Variants in CACNA2D3 observed in about 807,000 individuals in gnomAD.
CACNA2D3 encodes calcium voltage-gated channel auxiliary subunit alpha2delta 3.
Under a neutral mutation model 160.6 loss-of-function variants are expected in CACNA2D3, and 60 were observed. The ratio of observed to expected loss-of-function variants is 0.37; its 90% CI spans 0.30 to 0.46. The LOEUF is 0.46. Among genes scored for constraint, CACNA2D3 ranks in the 20% least tolerant of loss-of-function variants. The probability of loss-of-function intolerance (pLI) is 1.00; values close to 1 mark genes in which losing one functional copy is unlikely to be tolerated. For missense variants in CACNA2D3, 1,205 were observed against 1,365.0 expected, an observed-to-expected ratio of 0.88 and a Z score of 1.85; for synonymous variants, 558 against 492.9, an observed-to-expected ratio of 1.13 and a Z score of -1.75.
At chr3:54,373,947 T>C (rs1453113125) in intron 3 of CACNA2D3, among the ~76,000 whole-genome samples, 1 of 152,236 alleles carries the variant, frequency 6.6e-6, no homozygotes, top group East Asian at 1.9e-4. Context: ...CACAGCTCTC[T>C]GCACTTTGGC....
intron 11 of CACNA2D3, among the ~76,000 whole-genome samples, chr3:54,664,042 G>A (rs936252671): frequency 1.3e-5 from 2 of 152,242 alleles, no homozygotes; most frequent in South Asian, 4.1e-4. Flanking sequence ...AGCAAGTGTG[G>A]AGAGTGGAAA....
At position 54,767,559 on chromosome 3, in the gene CACNA2D3, G is replaced by A. The variant is rs1702247860; in HGVS notation, c.1380+3208G>A. On this transcript the variant is annotated intron_variant, in intron 13 of 37. Coordinates refer to ENST00000474759, the MANE Select transcript of CACNA2D3 (RefSeq NM_018398.3). Reference sequence around the variant, plus strand: ...ACCTATAAGCAGTGGCACCCAAGTAGCAATGAGCCCATCCAGTACCCAGAT... The same window carrying A: ...ACCTATAAGCAGTGGCACCCAAGTAACAATGAGCCCATCCAGTACCCAGAT... Among the ~76,000 whole-genome samples the A allele has an allele frequency of 2.6e-5, 4 of 152,068 alleles. 1 individual carries two copies. The highest frequency in any genetic ancestry group is 2.0e-4 in the Admixed American group (3 of 15,266).
At chr3:54,453,846 G>A (rs1028642260) in intron 4 of CACNA2D3, among the ~76,000 whole-genome samples, 1 of 152,214 alleles carries the variant, frequency 6.6e-6, no homozygotes, top group Non-Finnish European at 1.5e-5. Context: ...GCTGTGCAAA[G>A]TACCTGTCCC....
At chr3:54,244,302 G>A (rs544228874) in intron 2 of CACNA2D3, among the ~76,000 whole-genome samples, 9 of 152,184 alleles carry the variant, frequency 5.9e-5, no homozygotes, top group Non-Finnish European at 1.2e-4. Flanking sequence ...CAAGCAGCTG[G>A]TGTTGGAGGT....
chr3:54,525,734 T>G (rs1024521246), intron 5 of CACNA2D3, among the ~76,000 whole-genome samples: 1 of 152,048 alleles, frequency 6.6e-6, no homozygotes, highest in Non-Finnish European at 1.5e-5. Flanking sequence ...ATGAGTCATT[T>G]TTTTCTTGTC....
At chr3:55,008,485 T>G (rs868619687) in intron 33 of CACNA2D3, among the ~76,000 whole-genome samples, 2 of 152,206 alleles carry the variant, frequency 1.3e-5, no homozygotes, top group Non-Finnish European at 2.9e-5. Flanking sequence ...TACCAAACTC[T>G]CTCATTCTTA....
chr3:54,636,269 G>A (rs1373459217), intron 10 of CACNA2D3, among the ~76,000 whole-genome samples: 1 of 151,960 alleles, frequency 6.6e-6, no homozygotes, highest in Non-Finnish European at 1.5e-5. Context: ...GTGAGGAACA[G>A]GAAAGAAGGA....
At chr3:54,498,045 T>TG (rs1283294960) in intron 4 of CACNA2D3, among the ~76,000 whole-genome samples, 112 of 144,912 alleles carry the variant, frequency 7.7e-4, no homozygotes, top group African/African-American at 2.8e-3. Flanking sequence ...GGCATATAGT[T>TG]TTTTTTTTTT....
chr3:54,521,710 G>GT lies in CACNA2D3; in HGVS notation c.544+18062dup, dbSNP rs540400907. ...ACATTTAGGCTTGTGCTCTATTTGAGTTTTTTGTATGAGTTCTATTTGAGT... is the reference window on the plus strand; with the variant it reads ...ACATTTAGGCTTGTGCTCTATTTGAGTTTTTTTGTATGAGTTCTATTTGAGT... On this transcript the variant is annotated intron_variant, in intron 5 of 37. Transcript: ENST00000474759. Among the ~76,000 whole-genome samples, 720 of 152,250 alleles carry GT rather than the reference G, an allele frequency of 4.7e-3. 3 individuals are homozygous for GT. The highest frequency in any genetic ancestry group is 0.01 in the Middle Eastern group (3 of 294).
chr3:54,802,652 C>G (rs536972049), intron 13 of CACNA2D3, among the ~76,000 whole-genome samples: 1 of 152,144 alleles, frequency 6.6e-6, no homozygotes, highest in African/African-American at 2.4e-5. Flanking sequence ...AAAAAGACAG[C>G]AGTAACCTCT....
At chr3:54,717,722 T>C (rs538906844) in intron 11 of CACNA2D3, among the ~76,000 whole-genome samples, 2 of 143,842 alleles carry the variant, frequency 1.4e-5, no homozygotes, top group Non-Finnish European at 3.0e-5. Context: ...TGTGTGCGTG[T>C]GCGGTGTGTG....
At chr3:54,919,915 G>A (rs996723046) in intron 27 of CACNA2D3, among the ~76,000 whole-genome samples, 5 of 152,054 alleles carry the variant, frequency 3.3e-5, no homozygotes, top group African/African-American at 7.2e-5. Flanking sequence ...TCGCTGCCTC[G>A]CCACATCCTC....
At chr3:54,890,509 A>AG (rs1310284990) in intron 24 of CACNA2D3, among the ~76,000 whole-genome samples, 66 of 151,512 alleles carry the variant, frequency 4.4e-4, no homozygotes, top group African/African-American at 1.5e-3. Context: ...AAAAAAAAAA[A>AG]AAAAAGAAAA....
intron 3 of CACNA2D3, among the ~76,000 whole-genome samples, chr3:54,373,959 C>T (rs1163981157): frequency 6.6e-6 from 1 of 152,174 alleles, no homozygotes; most frequent in Non-Finnish European, 1.5e-5. Flanking sequence ...CACTTTGGCC[C>T]CTGCTCCTTC....
At chr3:55,011,664 A>G (rs2107147934) in intron 34 of CACNA2D3, among the ~76,000 whole-genome samples, 1 of 152,196 alleles carries the variant, frequency 6.6e-6, no homozygotes, top group East Asian at 1.9e-4. Flanking sequence ...GGAAGGAGAT[A>G]TGGAGCTAAT....
chr3:54,993,736 C>T (rs1432681971), intron 31 of CACNA2D3, among the ~76,000 whole-genome samples: 2 of 151,970 alleles, frequency 1.3e-5, no homozygotes, highest in Admixed American at 1.3e-4. Flanking sequence ...ATGCTGGAGG[C>T]CAGAAAGACC....
intron 11 of CACNA2D3, among the ~76,000 whole-genome samples, 189 bp from the exon 12 acceptor site, chr3:54,752,410 A>C (rs1309463763): frequency 6.6e-6 from 1 of 152,186 alleles, no homozygotes; most frequent in South Asian, 2.1e-4. Flanking sequence ...ATATGGTTTA[A>C]AAGATCAAAG....
intron 4 of CACNA2D3, among the ~76,000 whole-genome samples, chr3:54,413,577 G>C (rs1245423763): frequency 6.6e-6 from 1 of 150,976 alleles, no homozygotes; most frequent in Non-Finnish European, 1.5e-5. Context: ...TGATATCTAT[G>C]TTACATTGCT....
chr3:54,386,872 G>A, intron 4 of CACNA2D3, 98 bp downstream of exon 4: 3 of 1,133,794 alleles, frequency 2.6e-6, no homozygotes, highest in Non-Finnish European at 3.8e-6. Context: ...GTGATTGGGA[G>A]GGAGAGGCTT....
Sources: gnomAD v4.1 joint callset for allele counts (sites outside exome capture counted in the v4.1 genomes callset) on GRCh38, gnomAD v4.1.1 for gene constraint, MANE v1.5 for transcripts, NCBI Gene and HGNC (gene_info 2026-07-23, HGNC 2026-07-21) for gene names.